Variants in GPC6 observed in about 807,000 individuals in gnomAD.
GPC6 encodes glypican-6.
A neutral mutation model predicts 55.2 loss-of-function variants in GPC6; 14 were observed. The ratio of observed to expected loss-of-function variants is 0.25; its 90% CI spans 0.17 to 0.40. The LOEUF is 0.40. Among genes scored for constraint, GPC6 ranks in the 10% least tolerant of loss-of-function variants. GPC6 has a pLI of 1.00. For missense variants in GPC6, 641 were observed against 708.5 expected (o/e 0.90, Z 1.08); for synonymous variants, 278 against 259.6 (o/e 1.07, Z -0.68).
At chr13:93,865,102 A>C (rs1888921320) in intron 3 of GPC6, among the ~76,000 whole-genome samples, 1 of 151,616 alleles carries the variant, frequency 6.6e-6, no homozygotes, top group Non-Finnish European at 1.5e-5. Context: ...AACTAAAATC[A>C]GTCAGGGAGA....
At chr13:93,388,822 A>G (rs189126009) in intron 1 of GPC6, among the ~76,000 whole-genome samples, 1 of 152,126 alleles carries the variant, frequency 6.6e-6, no homozygotes, top group Non-Finnish European at 1.5e-5. Flanking sequence ...CAATAACTTC[A>G]TAGGTTTTAC....
At chr13:93,586,164 C>T (rs1436916431) in intron 2 of GPC6, among the ~76,000 whole-genome samples, 1 of 152,016 alleles carries the variant, frequency 6.6e-6, no homozygotes, top group Non-Finnish European at 1.5e-5. Context: ...TCTATGTGTC[C>T]ATGTGTTCTC....
intron 2 of GPC6, among the ~76,000 whole-genome samples, chr13:93,778,042 A>G (rs1354984476): frequency 2.0e-5 from 3 of 152,158 alleles, no homozygotes; most frequent in Non-Finnish European, 4.4e-5. Flanking sequence ...CTTGCTTTGC[A>G]TAGGCTAATT....
chr13:93,756,414 A>G (rs1025383070), intron 2 of GPC6, among the ~76,000 whole-genome samples: 1 of 152,184 alleles, frequency 6.6e-6, no homozygotes, highest in Admixed American at 6.5e-5. Context: ...ACTTCCGGAC[A>G]TGCTGGTCAG....
At chr13:93,228,068 GC>G in intron 1 of GPC6, among the ~76,000 whole-genome samples, 1 of 152,246 alleles carries the variant, frequency 6.6e-6, no homozygotes, top group East Asian at 2.0e-4. Flanking sequence ...TCCCGCCCTT[GC>G]GCCGGCAGGG....
At chr13:93,661,468 T>A (rs1436864523) in intron 2 of GPC6, among the ~76,000 whole-genome samples, 3 of 151,986 alleles carry the variant, frequency 2.0e-5, no homozygotes, top group African/African-American at 7.3e-5. Flanking sequence ...CCTCCCAAAG[T>A]GCTGGGATTG....
chr13:93,662,623 G>A (rs1880972104), intron 2 of GPC6, among the ~76,000 whole-genome samples: 1 of 151,376 alleles, frequency 6.6e-6, no homozygotes, highest in African/African-American at 2.4e-5. Flanking sequence ...AGAGCGAGAC[G>A]TCTTTCAAAA....
chr13:93,687,654 T>C (rs953613704), intron 2 of GPC6, among the ~76,000 whole-genome samples: 6 of 152,086 alleles, frequency 3.9e-5, no homozygotes, highest in African/African-American at 7.2e-5. Flanking sequence ...AACAAATTAA[T>C]ATATATGTAA....
At chr13:94,034,247 A>AGGAG (rs1555289093) in intron 4 of GPC6, among the ~76,000 whole-genome samples, 21,221 of 146,930 alleles carry the variant, frequency 0.14, 1,956 homozygotes, top group South Asian at 0.23. Context: ...GAAGGAAGGA[A>AGGAG]GGAAAGAAAG....
intron 2 of GPC6, among the ~76,000 whole-genome samples, chr13:93,546,560 G>C (rs913330021): frequency 6.6e-6 from 1 of 152,088 alleles, no homozygotes; most frequent in African/African-American, 2.4e-5. Context: ...TTCTGTCTTT[G>C]GCTCTCCCTT....
intron 4 of GPC6, among the ~76,000 whole-genome samples, chr13:94,149,454 G>A (rs1248336245): frequency 2.0e-5 from 3 of 152,122 alleles, no homozygotes; most frequent in South Asian, 2.1e-4. Context: ...TGCCTTGTGT[G>A]CCTTTAGAAC....
At chr13:93,957,513 A>G (rs1879562019) in intron 3 of GPC6, among the ~76,000 whole-genome samples, 1 of 152,134 alleles carries the variant, frequency 6.6e-6, no homozygotes, top group African/African-American at 2.4e-5. Flanking sequence ...GCTTAGGATT[A>G]TGGGCTCCAG....
intron 4 of GPC6, among the ~76,000 whole-genome samples, chr13:94,213,445 G>C (rs1365713679): frequency 6.6e-6 from 1 of 152,152 alleles, no homozygotes; most frequent in Non-Finnish European, 1.5e-5. Flanking sequence ...CAAACAAAGT[G>C]GTTTAGAATA....
intron 4 of GPC6, among the ~76,000 whole-genome samples, chr13:94,155,604 A>G (rs997368101): frequency 1.3e-5 from 2 of 152,010 alleles, no homozygotes; most frequent in Non-Finnish European, 2.9e-5. Context: ...TAACAACTGC[A>G]CTCCTGGGGC....
chr13:93,545,100 G>C (rs1466265680), intron 1 of GPC6, among the ~76,000 whole-genome samples, 163 bp from the exon 2 acceptor site: 1 of 152,220 alleles, frequency 6.6e-6, no homozygotes, highest in Non-Finnish European at 1.5e-5. Flanking sequence ...TGGAATGTTA[G>C]ATACACTGAT....
chr13:94,166,918 T>TAA (rs983194636), intron 4 of GPC6, among the ~76,000 whole-genome samples: 1 of 152,208 alleles, frequency 6.6e-6, no homozygotes, highest in African/African-American at 2.4e-5. Flanking sequence ...GTTATTTTGG[T>TAA]AAAGTTGATT....
intron 4 of GPC6, among the ~76,000 whole-genome samples, chr13:94,165,703 G>C (rs919528011): frequency 6.6e-6 from 1 of 152,034 alleles, no homozygotes; most frequent in African/African-American, 2.4e-5. Flanking sequence ...GTATGCTATA[G>C]TGCTACAAAG....
intron 1 of GPC6, among the ~76,000 whole-genome samples, chr13:93,388,267 C>T (rs1031413596): frequency 3.3e-5 from 5 of 152,178 alleles, no homozygotes; most frequent in Admixed American, 2.0e-4. Context: ...GAGGTCTACA[C>T]ATTTATCAGC....
intron 3 of GPC6, among the ~76,000 whole-genome samples, chr13:93,980,091 C>A (rs1216354543): frequency 6.6e-6 from 1 of 152,098 alleles, no homozygotes; most frequent in African/African-American, 2.4e-5. Context: ...TTCCCTCCCA[C>A]AACAAATGGA....
Sources: gnomAD v4.1 joint callset for allele counts (sites outside exome capture counted in the v4.1 genomes callset) on GRCh38, gnomAD v4.1.1 for gene constraint, MANE v1.5 for transcripts, NCBI Gene and HGNC (gene_info 2026-07-23, HGNC 2026-07-21) for gene names.